Variants in HDAC9 observed in about 807,000 individuals in gnomAD.
HDAC9 encodes the protein MEF-2 interacting transcription repressor (MITR) protein.
In HDAC9, 41 loss-of-function variants were observed where a neutral mutation model predicts 139.4. The observed-to-expected ratio is 0.29, with a 90% CI of 0.23 to 0.38. The LOEUF (loss-of-function observed/expected upper bound fraction) is 0.38, where lower values mean the gene tolerates loss of function less well. Among genes scored for constraint, HDAC9 ranks in the 10% least tolerant of loss-of-function variants. The pLI is 1.00. For missense variants in HDAC9, 1,147 were observed against 1,297.0 expected (o/e 0.88, Z 1.78); for synonymous variants, 517 against 476.2 (o/e 1.09, Z -1.12).
intron 12 of HDAC9, among the ~76,000 whole-genome samples, chr7:18,719,121 C>A (rs1378243135): frequency 6.6e-6 from 1 of 152,030 alleles, no homozygotes; most frequent in Non-Finnish European, 1.5e-5. Context: ...TTTACCTGTT[C>A]ACCTCATTTT....
At position 18,231,609 on chromosome 7, in the gene HDAC9, CTAAT is replaced by C. The variant is rs536116829; in HGVS notation, c.25+69263_25+69266del. 4.2e-4 allele frequency among the ~76,000 whole-genome samples: 64 copies of C among 152,188 alleles called. No individual in the cohort carries two copies. In the South Asian group the frequency reaches 0.013, roughly 30 times the overall value. On this transcript the variant is annotated intron_variant, in intron 2 of 12. Transcript: ENST00000417496. ...AGTTAATTTTAAGTATGAATGAGTG[CTAAT>C]TAGAGTGGAATTTTAACAGCAGTCA... is the stretch of plus-strand genomic sequence containing the variant.
intron 25 of HDAC9, among the ~76,000 whole-genome samples, chr7:18,987,072 C>T (rs991049832): frequency 2.0e-5 from 3 of 152,172 alleles, no homozygotes; most frequent in Admixed American, 6.5e-5. Flanking sequence ...CTTCTCCTGC[C>T]TAATTGCCCT....
chr7:18,802,670 A>G (rs746523775), intron 17 of HDAC9, among the ~76,000 whole-genome samples: 1 of 151,734 alleles, frequency 6.6e-6, no homozygotes. Context: ...TTTGCTTTAG[A>G]TATTTAAAAA....
intron 1 of HDAC9, among the ~76,000 whole-genome samples, chr7:18,475,000 G>A (rs1223004764): frequency 6.6e-6 from 1 of 152,226 alleles, no homozygotes; most frequent in African/African-American, 2.4e-5. Flanking sequence ...CACAGTAAGT[G>A]TTAATAGAAT....
At chr7:18,624,997 G>C (rs922330759) in intron 6 of HDAC9, among the ~76,000 whole-genome samples, 6 of 151,918 alleles carry the variant, frequency 3.9e-5, no homozygotes, top group Non-Finnish European at 7.4e-5. Flanking sequence ...AATCTATGTT[G>C]TGCTTTACAG....
intron 2 of HDAC9, among the ~76,000 whole-genome samples, chr7:18,279,067 C>G (rs191424653): frequency 1.1e-4 from 16 of 152,268 alleles, no homozygotes; most frequent in African/African-American, 3.9e-4. Context: ...GGACAGAATT[C>G]AATTCATCAT....
intron 2 of HDAC9, among the ~76,000 whole-genome samples, chr7:18,260,370 G>A (rs1228980906): frequency 2.1e-5 from 3 of 141,974 alleles, no homozygotes; most frequent in Non-Finnish European, 4.5e-5. Flanking sequence ...CCAGGCTGGA[G>A]TGCAGTGGCA....
intron 2 of HDAC9, among the ~76,000 whole-genome samples, chr7:18,264,817 C>A (rs898452084): frequency 6.6e-6 from 1 of 152,150 alleles, no homozygotes; most frequent in Non-Finnish European, 1.5e-5. Context: ...TAGACAAAAT[C>A]TTAACTTACA....
In HDAC9 at chr7:18,112,545, A is replaced by G. The variant is rs560276309; in HGVS notation, c.-97+25332A>G. Among the ~76,000 whole-genome samples, 12 of 152,320 alleles carry G rather than the reference A, an allele frequency of 7.9e-5. No homozygotes were observed. In the South Asian group the frequency reaches 2.1e-3, roughly 26 times the overall value. On this transcript the variant is annotated intron_variant, in intron 1 of 12. Transcript: ENST00000417496. ...TGTTTCACTTTCTTCTTACTTATTAATGCAAAAGAAAATATTATTAGTGTC... is the reference window on the plus strand; with the variant it reads ...TGTTTCACTTTCTTCTTACTTATTAGTGCAAAAGAAAATATTATTAGTGTC...
chr7:18,374,765 G>T (rs1051638540), intron 1 of HDAC9, among the ~76,000 whole-genome samples: 1 of 151,838 alleles, frequency 6.6e-6, no homozygotes, highest in Non-Finnish European at 1.5e-5. Context: ...TCTGCTGTTG[G>T]CAGCATAATA....
intron 16 of HDAC9, among the ~76,000 whole-genome samples, chr7:18,792,723 A>G (rs570563074): frequency 1.4e-4 from 22 of 152,322 alleles, no homozygotes; most frequent in African/African-American, 5.1e-4. Flanking sequence ...TTAAGCTTAT[A>G]CTTTGAACAT....
intron 24 of HDAC9, among the ~76,000 whole-genome samples, chr7:18,956,817 G>A (rs1313255003): frequency 1.3e-5 from 2 of 152,088 alleles, no homozygotes; most frequent in Non-Finnish European, 2.9e-5. Flanking sequence ...CTCAATTCAG[G>A]CCAATGAAAA....
intron 2 of HDAC9, among the ~76,000 whole-genome samples, chr7:18,584,140 C>CATTTTT (rs1828702645): frequency 9.3e-6 from 1 of 107,754 alleles, no homozygotes; most frequent in Admixed American, 1.2e-4. Context: ...AAGCAGCATT[C>CATTTTT]TTTTTTTTTT....
At chr7:18,381,619 A>C (rs1213136011) in intron 1 of HDAC9, among the ~76,000 whole-genome samples, 1 of 152,148 alleles carries the variant, frequency 6.6e-6, no homozygotes, top group Non-Finnish European at 1.5e-5. Context: ...AAGTAAGAAA[A>C]AGTGAGAATA....
At chr7:18,878,618 T>C (rs570503941) in intron 22 of HDAC9, among the ~76,000 whole-genome samples, 1 of 152,272 alleles carries the variant, frequency 6.6e-6, no homozygotes, top group South Asian at 2.1e-4. Context: ...CGCCCCTTCT[T>C]GATAACAACT....
intron 22 of HDAC9, chr7:18,891,951 A>G (rs891941287): frequency 3.9e-5 from 6 of 152,184 alleles, no homozygotes; most frequent in African/African-American, 1.4e-4. Context: ...AAAAATAAAA[A>G]TAAAAAATAA....
chr7:18,270,272 C>T (rs1796271494), intron 2 of HDAC9, among the ~76,000 whole-genome samples: 1 of 144,080 alleles, frequency 6.9e-6, no homozygotes, highest in South Asian at 2.4e-4. Flanking sequence ...GGAGTTGCTT[C>T]TCAATAAATG....
chr7:18,641,328 GC>G (rs1282938460), intron 8 of HDAC9, among the ~76,000 whole-genome samples: 3 of 151,948 alleles, frequency 2.0e-5, no homozygotes, highest in African/African-American at 4.8e-5. Context: ...CCAGCACTTG[GC>G]CCATTTCATA....
At chr7:18,792,937 G>A (rs185403464) in intron 16 of HDAC9, among the ~76,000 whole-genome samples, 47 of 152,194 alleles carry the variant, frequency 3.1e-4, no homozygotes, top group Admixed American at 1.2e-3. Context: ...TTGCAAATCC[G>A]ATTTTTATGT....
Sources: gnomAD v4.1 joint callset for allele counts (sites outside exome capture counted in the v4.1 genomes callset) on GRCh38, gnomAD v4.1.1 for gene constraint, MANE v1.5 for transcripts, NCBI Gene and HGNC (gene_info 2026-07-23, HGNC 2026-07-21) for gene names.